The following PDE1A variants were observed in gnomAD, a reference collection of about 807,000 sequenced individuals.
PDE1A encodes phosphodiesterase 1A, also known as dual specificity calcium/calmodulin-dependent 3',5'-cyclic nucleotide phosphodiesterase 1A.
In PDE1A, 35 loss-of-function variants were observed where a neutral mutation model predicts 61.7. The observed-to-expected ratio is 0.57, with a 90% CI of 0.43 to 0.75. The LOEUF (loss-of-function observed/expected upper bound fraction) is 0.75, where lower values mean the gene tolerates loss of function less well. PDE1A is among the 30% of genes least tolerant of loss of function. The pLI, the probability that PDE1A is intolerant of heterozygous loss-of-function variation, is 0.00. For synonymous variants in PDE1A, 232 were observed against 213.2 expected (o/e 1.09, Z -0.77); for missense variants, 597 against 630.6 (o/e 0.95, Z 0.57).
At chr2:182,385,615 GAAAC>G (rs1320740442) in intron 1 of PDE1A, among the ~76,000 whole-genome samples, 2 of 106,574 alleles carry the variant, frequency 1.9e-5, no homozygotes, top group Non-Finnish European at 3.8e-5. Context: ...TTAGATGAAA[GAAAC>G]AGAAAGAAAG....
chr2:182,400,888 A>G (rs1701964428), intron 1 of PDE1A, among the ~76,000 whole-genome samples: 1 of 152,232 alleles, frequency 6.6e-6, no homozygotes, highest in Non-Finnish European at 1.5e-5. Context: ...CCAAAATGTC[A>G]GAGCATTTCT....
chr2:182,440,255 T>C (rs188059129), intron 2 of PDE1A, among the ~76,000 whole-genome samples: 3 of 152,190 alleles, frequency 2.0e-5, no homozygotes, highest in East Asian at 3.9e-4. Context: ...CTATAGAAAC[T>C]CACATATTCT....
intron 1 of PDE1A, among the ~76,000 whole-genome samples, chr2:182,310,267 T>C (rs1316918495): frequency 6.6e-6 from 1 of 152,188 alleles, no homozygotes; most frequent in Non-Finnish European, 1.5e-5. Context: ...TCCTGTGGTT[T>C]CCTTTCCTTT....
At chr2:182,240,185 G>C in exon 3 of PDE1A, 7 of 1,613,666 alleles carry the variant, frequency 4.3e-6, no homozygotes, top group Non-Finnish European at 5.9e-6. Context: ...TTTCTTTTTT[G>C]TCATCCCCAT....
At chr2:182,180,525 CT>C (rs1446482349) in intron 13 of PDE1A, among the ~76,000 whole-genome samples, 2 of 151,978 alleles carry the variant, frequency 1.3e-5, no homozygotes, top group Non-Finnish European at 2.9e-5. Flanking sequence ...ACATTTTTTC[CT>C]TTGTTTCAAC....
the PDE1A span, among the ~76,000 whole-genome samples, chr2:182,547,023 A>G: frequency 6.6e-6 from 1 of 152,224 alleles, no homozygotes; most frequent in East Asian, 1.9e-4. Flanking sequence ...ACTCGCAGCT[A>G]ACTGAAGTTA....
intron 2 of PDE1A, among the ~76,000 whole-genome samples, chr2:182,442,938 G>A (rs1025811215): frequency 6.6e-6 from 1 of 151,956 alleles, no homozygotes; most frequent in African/African-American, 2.4e-5. Flanking sequence ...TCTATTCACA[G>A]TGATTTACAA....
At chr2:182,517,805 C>T (rs765974012) in intron 2 of PDE1A, among the ~76,000 whole-genome samples, 37 of 152,288 alleles carry the variant, frequency 2.4e-4, no homozygotes, top group East Asian at 3.9e-4. Flanking sequence ...TTAGCCTACC[C>T]GGACCCTGCT....
intron 1 of PDE1A, among the ~76,000 whole-genome samples, chr2:182,317,352 C>T (rs1696401590): frequency 6.6e-6 from 1 of 151,876 alleles, no homozygotes; most frequent in Non-Finnish European, 1.5e-5. Context: ...TCAATGCTAC[C>T]ATCATCCACC....
intron 1 of PDE1A, among the ~76,000 whole-genome samples, chr2:182,380,173 C>G (rs867355674): frequency 6.9e-6 from 1 of 144,770 alleles, no homozygotes; most frequent in Non-Finnish European, 1.5e-5. Context: ...TGCAGTGGCA[C>G]GCTCTCAGCT....
chr2:182,477,004 A>G (rs943129334), intron 2 of PDE1A, among the ~76,000 whole-genome samples: 1 of 151,888 alleles, frequency 6.6e-6, no homozygotes, highest in African/African-American at 2.4e-5. Flanking sequence ...CAATAAATCA[A>G]AAGAAAGATG....
downstream of PDE1A, among the ~76,000 whole-genome samples, chr2:182,163,066 G>T (rs546482815): frequency 3.3e-5 from 5 of 152,136 alleles, no homozygotes; most frequent in African/African-American, 1.2e-4. Context: ...TGCAGAGGTG[G>T]TGATTTTCAC....
chr2:182,466,105 G>A (rs1198614467), intron 2 of PDE1A, among the ~76,000 whole-genome samples: 1 of 151,594 alleles, frequency 6.6e-6, no homozygotes, highest in Non-Finnish European at 1.5e-5. Flanking sequence ...TTTGTCACTT[G>A]TTTTCTTCAT....
the PDE1A span, among the ~76,000 whole-genome samples, chr2:182,579,412 G>GAGTTCTGCTAT: frequency 6.6e-6 from 1 of 152,330 alleles, no homozygotes; most frequent in Non-Finnish European, 1.5e-5. Flanking sequence ...TAAATGTTAG[G>GAGTTCTGCTAT]AGTTAGGCAC....
At chr2:182,158,534 G>A (rs1230689444) in intron 13 of PDE1A, among the ~76,000 whole-genome samples, 2 of 152,206 alleles carry the variant, frequency 1.3e-5, no homozygotes, top group East Asian at 3.9e-4. Context: ...GAAGGGTAAT[G>A]TGGGAACACA....
At chr2:182,680,875 C>T in the PDE1A span, among the ~76,000 whole-genome samples, 5 of 152,186 alleles carry the variant, frequency 3.3e-5, no homozygotes, top group Non-Finnish European at 7.3e-5. Flanking sequence ...ACAGTAACAG[C>T]TCAGGGATAC....
At chr2:182,681,771 G>C in the PDE1A span, among the ~76,000 whole-genome samples, 3 of 151,922 alleles carry the variant, frequency 2.0e-5, no homozygotes, top group African/African-American at 7.3e-5. Flanking sequence ...TCAGCCTCCC[G>C]AGTAGCTGGG....
At chr2:182,276,029 G>A (rs546407879) in intron 1 of PDE1A, among the ~76,000 whole-genome samples, 76 of 152,166 alleles carry the variant, frequency 5.0e-4, no homozygotes, top group African/African-American at 1.8e-3. Flanking sequence ...CTCTAGAAAG[G>A]AAGGAGGAAT....
At chr2:182,302,868 A>G (rs1245715927) in intron 1 of PDE1A, among the ~76,000 whole-genome samples, 5 of 152,138 alleles carry the variant, frequency 3.3e-5, no homozygotes, top group Non-Finnish European at 2.9e-5. Flanking sequence ...TGTTCACAGC[A>G]TCTTCACCAG....
Sources: allele counts gnomAD v4.1 joint callset (sites outside exome capture counted in the v4.1 genomes callset), GRCh38; gene constraint gnomAD v4.1.1; transcripts MANE v1.5; gene names NCBI Gene and HGNC (gene_info 2026-07-23, HGNC 2026-07-21).